Variants in TMEM132C observed in about 807,000 individuals in gnomAD.
TMEM132C encodes the protein protein phosphatase 1, regulatory subunit 152.
Under a neutral mutation model 61.4 loss-of-function variants are expected in TMEM132C, and 29 were observed. The observed-to-expected ratio is 0.47, with a 90% CI of 0.35 to 0.64. TMEM132C has a LOEUF of 0.64. Ranked by LOEUF, TMEM132C falls within the 30% of genes least tolerant of loss-of-function variation. The probability of loss-of-function intolerance (pLI) is 0.00; values close to 1 mark genes in which losing one functional copy is unlikely to be tolerated. For synonymous variants in TMEM132C, 656 were observed against 633.1 expected (o/e 1.04, Z -0.54); for missense variants, 1,408 against 1,476.9 (o/e 0.95, Z 0.76).
chr12:128,562,805 TTCA>T (rs1874570741), intron 3 of TMEM132C, among the ~76,000 whole-genome samples: 2 of 152,188 alleles, frequency 1.3e-5, no homozygotes, highest in South Asian at 4.1e-4. Flanking sequence ...AAATCCCTGG[TTCA>T]TCAAGATAGA....
chr12:128,541,020 T>TC (rs1467116843), intron 2 of TMEM132C, among the ~76,000 whole-genome samples: 1 of 128,226 alleles, frequency 7.8e-6, no homozygotes. Flanking sequence ...TCTTTCTCTC[T>TC]TTCTCTGTCT....
At chr12:128,460,634 A>G (rs1171882850) in intron 2 of TMEM132C, among the ~76,000 whole-genome samples, 3 of 152,090 alleles carry the variant, frequency 2.0e-5, no homozygotes, top group Admixed American at 1.3e-4. Context: ...TTGTCACCAG[A>G]AAAAGGGAGA....
At chr12:128,453,434 T>C (rs1285893577) in intron 2 of TMEM132C, among the ~76,000 whole-genome samples, 1 of 152,206 alleles carries the variant, frequency 6.6e-6, no homozygotes, top group African/African-American at 2.4e-5. Context: ...AGTTTCTCCC[T>C]TCCTGTGTCT....
At chr12:128,544,162 G>A in intron 3 of TMEM132C, 59 bp downstream of exon 3, 2 of 1,452,962 alleles carry the variant, frequency 1.4e-6, no homozygotes, top group South Asian at 1.5e-5. Flanking sequence ...CAGGCCGGCT[G>A]GTGCGTAAGA....
chr12:128,701,376 G>A (rs1456878004), intron 8 of TMEM132C, among the ~76,000 whole-genome samples: 1 of 152,170 alleles, frequency 6.6e-6, no homozygotes, highest in East Asian at 1.9e-4. Context: ...GCCAGCTGGT[G>A]TTGGCCAGGG....
At chr12:128,478,018 T>C (rs1871205650) in intron 2 of TMEM132C, among the ~76,000 whole-genome samples, 1 of 152,226 alleles carries the variant, frequency 6.6e-6, no homozygotes, top group Admixed American at 6.5e-5. Flanking sequence ...ATTTTCTCAC[T>C]AGGACTTCAA....
chr12:128,378,808 C>T (rs750574959), intron 1 of TMEM132C, among the ~76,000 whole-genome samples: 4 of 152,164 alleles, frequency 2.6e-5, no homozygotes, highest in South Asian at 2.1e-4. Context: ...CATAATCCCA[C>T]GTATCGTGGG....
At chr12:128,645,106 AC>A (rs1483037476) in intron 4 of TMEM132C, among the ~76,000 whole-genome samples, 1 of 151,974 alleles carries the variant, frequency 6.6e-6, no homozygotes, top group Non-Finnish European at 1.5e-5. Flanking sequence ...ATCAGAGGCG[AC>A]CCTGAGGGGG....
intron 4 of TMEM132C, among the ~76,000 whole-genome samples, chr12:128,668,870 C>G (rs759988159): frequency 3.9e-5 from 6 of 152,156 alleles, no homozygotes; most frequent in African/African-American, 1.4e-4. Context: ...CTTCATGGCT[C>G]CCTCTTATAA....
At chr12:128,457,245 A>C (rs1013515634) in intron 2 of TMEM132C, among the ~76,000 whole-genome samples, 7 of 151,254 alleles carry the variant, frequency 4.6e-5, no homozygotes, top group African/African-American at 1.7e-4. Flanking sequence ...ACTACCACCA[A>C]CATTATTTGA....
chr12:128,488,521 C>T (rs551008784), intron 2 of TMEM132C, among the ~76,000 whole-genome samples: 7 of 152,040 alleles, frequency 4.6e-5, no homozygotes, highest in Middle Eastern at 6.8e-3. Flanking sequence ...ATTAGCCGGA[C>T]ATGGTGGTGC....
intron 2 of TMEM132C, among the ~76,000 whole-genome samples, chr12:128,527,740 C>G (rs966192356): frequency 2.8e-5 from 4 of 141,048 alleles, no homozygotes; most frequent in Non-Finnish European, 4.5e-5. Context: ...TGTGTTACAT[C>G]CATACCATTT....
intron 1 of TMEM132C, among the ~76,000 whole-genome samples, chr12:128,362,831 A>G (rs1190617516): frequency 6.6e-6 from 1 of 152,268 alleles, no homozygotes; most frequent in East Asian, 1.9e-4. Flanking sequence ...TGCAAAAGAC[A>G]TAGGATTTCC....
At chr12:128,369,418 A>G (rs1406175663) in intron 1 of TMEM132C, among the ~76,000 whole-genome samples, 1 of 152,220 alleles carries the variant, frequency 6.6e-6, no homozygotes, top group Non-Finnish European at 1.5e-5. Flanking sequence ...TTGATGCCAA[A>G]TCAGAGGAAG....
intron 1 of TMEM132C, among the ~76,000 whole-genome samples, chr12:128,298,830 A>G (rs1871508241): frequency 6.6e-6 from 1 of 152,282 alleles, no homozygotes; most frequent in East Asian, 1.9e-4. Flanking sequence ...CTGGTAGAGC[A>G]CCTTGTACCT....
At chr12:128,621,461 C>A (rs1381930350) in intron 4 of TMEM132C, among the ~76,000 whole-genome samples, 1 of 152,154 alleles carries the variant, frequency 6.6e-6, no homozygotes, top group Admixed American at 6.5e-5. Context: ...TCCGATAGCA[C>A]CCCGTAGCCA....
intron 1 of TMEM132C, among the ~76,000 whole-genome samples, chr12:128,324,113 G>C (rs765749104): frequency 1.2e-4 from 19 of 152,182 alleles, no homozygotes; most frequent in Non-Finnish European, 2.5e-4. Context: ...GTCGCTGTGG[G>C]CCAGTCTTTA....
Position 128,706,185 on chromosome 12 carries a change from T to G in TMEM132C, c.3217T>G (p.Ser1073Ala), listed in dbSNP as rs1357372015. 3 of 1,551,416 alleles carry G rather than the reference T, an allele frequency of 1.9e-6. No homozygotes were observed. Among genetic ancestry groups the G allele is most frequent in the African/African-American group, 2.7e-5 (2 of 73,036 alleles). ...PPDDSCPTVNSIVSSNDEDIK... is the reference protein window; with the variant it reads ...PPDDSCPTVNAIVSSNDEDIK... ...GGACGACAGCTGCCCCACGGTGAAC[T>G]CCATCGTCAGCAGCAATGATGAGGA... Residue 1073 changes from serine (S) to alanine (A), a missense_variant, in exon 9 of 9, where the codon TCC (serine) becomes GCC (alanine). Transcript: ENST00000435159.
At chr12:128,594,232 A>T (rs1460065810) in intron 3 of TMEM132C, among the ~76,000 whole-genome samples, 1 of 152,066 alleles carries the variant, frequency 6.6e-6, no homozygotes, top group East Asian at 1.9e-4. Context: ...GGGGCGCCAC[A>T]TAAAAGGGGA....
Sources: allele counts gnomAD v4.1 joint callset (sites outside exome capture counted in the v4.1 genomes callset), GRCh38; gene constraint gnomAD v4.1.1; transcripts MANE v1.5; gene names NCBI Gene and HGNC (gene_info 2026-07-23, HGNC 2026-07-21).